The following RFX2 variants were observed in gnomAD, a reference collection of about 807,000 sequenced individuals.
RFX2 encodes DNA-binding protein RFX2.
RFX2 carries 20 observed loss-of-function variants against 87.8 expected under a neutral mutation model. The ratio of observed to expected loss-of-function variants is 0.23; its 90% CI spans 0.16 to 0.33. RFX2 has a LOEUF of 0.33. RFX2 is among the 10% of genes least tolerant of loss of function. The pLI is 1.00. For synonymous variants in RFX2, 397 were observed against 431.3 expected (o/e 0.92, Z 0.98); for missense variants, 767 against 1,012.3 (o/e 0.76, Z 3.29).
At chr19:6,051,888 A>AT (rs1217689592) in intron 1 of RFX2, among the ~76,000 whole-genome samples, 1 of 151,934 alleles carries the variant, frequency 6.6e-6, no homozygotes, top group Non-Finnish European at 1.5e-5. Context: ...TTATTTATTT[A>AT]TTTTTTTGAG....
rs1376906735 is a variant in RFX2, at chr19:6,011,695, T to C, written c.899+1291A>G. On this transcript the variant is annotated intron_variant, in intron 8 of 17. Transcript: ENST00000303657. The surrounding 1 kb of genome is among the most constrained non-coding windows in gnomAD (Gnocchi z 4.8). ...CAGAAGGAATGCTCTGGAAACTCTC[T>C]CCTGGAACCTCCAACTCCTGGGAGT... Among the ~76,000 whole-genome samples the C allele has an allele frequency of 6.6e-6, 1 of 152,214 alleles. No homozygotes were observed. Among genetic ancestry groups the C allele is most frequent in the African/African-American group, 2.4e-5 (1 of 41,458 alleles).
chr19:6,008,964 G>C (rs1270990461), intron 9 of RFX2, among the ~76,000 whole-genome samples: 1 of 152,190 alleles, frequency 6.6e-6, no homozygotes. Flanking sequence ...GCAGGCGTGA[G>C]CCACCGTGCC....
At position 6,101,221 on chromosome 19, in the gene RFX2, T is replaced by C. The variant is rs2088122008; in HGVS notation, c.-9+9172A>G. Among the ~76,000 whole-genome samples, 2 of 152,226 alleles carry C rather than the reference T, an allele frequency of 1.3e-5. No homozygotes were observed. The highest frequency in any genetic ancestry group is 1.3e-4 in the Admixed American group (2 of 15,282). On this transcript the variant is annotated intron_variant, in intron 1 of 17. Transcript: ENST00000303657. This position sits in a 1 kb window ranked among gnomAD's most constrained non-coding sequence, Gnocchi z 4.9. ...CCAGAGAGCTCCTCACTGAAGTCCC[T>C]AGTAGGGTGAATTCTTCAAGAAAAC...
chr19:6,077,131 C>A (rs758362207), intron 1 of RFX2: 1 of 152,226 alleles, frequency 6.6e-6, no homozygotes, highest in Non-Finnish European at 1.5e-5. Context: ...GTGATTGATG[C>A]GGACTGTGTT....
At chr19:6,008,293 A>G (rs1365201715) in intron 9 of RFX2, 69 bp from the exon 10 acceptor site, 1 of 915,712 alleles carries the variant, frequency 1.1e-6, no homozygotes, top group African/African-American at 1.7e-5. Context: ...CTGGAAGGCC[A>G]CGGTGGATGG....
Position 6,001,799 on chromosome 19 carries a change from G to A in RFX2, c.1859+16C>T, listed in dbSNP as rs1258772449. 6 of 1,580,294 alleles carry A rather than the reference G, an allele frequency of 3.8e-6. No homozygotes were observed. Among genetic ancestry groups the A allele is most frequent in the Admixed American group, 3.5e-5 (2 of 56,366 alleles). On this transcript the variant is annotated intron_variant, in intron 15 of 17. Transcript: ENST00000303657. The surrounding 1 kb of genome is among the most constrained non-coding windows in gnomAD (Gnocchi z 5.6). The stretch of plus-strand genomic sequence containing the variant: ...CCCACCCGCCAGAATTCTCTCGGAG[G>A]TCTGGTGGGACTAACCTGTAAAAGG...
chr19:6,087,139 A>G (rs2087866074), intron 1 of RFX2, among the ~76,000 whole-genome samples: 1 of 152,190 alleles, frequency 6.6e-6, no homozygotes, highest in Admixed American at 6.5e-5. Flanking sequence ...GACTGAGCAC[A>G]GGCAGATGGT....
chr19:6,085,099 T>C (rs2087838479), intron 1 of RFX2, among the ~76,000 whole-genome samples: 1 of 152,246 alleles, frequency 6.6e-6, no homozygotes, highest in Non-Finnish European at 1.5e-5. Context: ...CATTCATTTG[T>C]TGGTGGACAC....
At chr19:6,100,662 G>A (rs1392951616) in intron 1 of RFX2, among the ~76,000 whole-genome samples, 2 of 152,176 alleles carry the variant, frequency 1.3e-5, no homozygotes, top group African/African-American at 4.8e-5. Flanking sequence ...GGAAGTCTAG[G>A]TGGGAGGCGC....
chr19:6,013,189 TTC>T lies in RFX2; in HGVS notation c.780-86_780-85del. ...GGTTGGGATTCTTTTTCTTTCTTTCTTCTTTTTTTTTTTTGAGACAGAATCTC... is the reference window on the plus strand; with the variant it reads ...GGTTGGGATTCTTTTTCTTTCTTTCTTTTTTTTTTTTTGAGACAGAATCTC... On this transcript the variant is annotated intron_variant, in intron 7 of 17. Transcript: ENST00000303657. The surrounding 1 kb of genome is among the most constrained non-coding windows in gnomAD (Gnocchi z 4.1). 5.8e-6 allele frequency: 8 copies of T among 1,373,064 alleles called. No homozygotes were observed. Among genetic ancestry groups the T allele is most frequent in the Non-Finnish European group, 5.8e-6 (6 of 1,034,986 alleles). 85.1% of individuals were successfully genotyped at this position (1,373,064 alleles called of 1,614,324 possible). A position where few individuals can be genotyped will look rare whatever the true frequency, so the allele number is the denominator to read the frequency against.
At position 5,997,258 on chromosome 19, in the gene RFX2, G is replaced by A; in HGVS notation, c.1860-45C>T. On this transcript the variant is annotated intron_variant, in intron 15 of 17. Transcript: ENST00000303657. The surrounding 1 kb of genome is among the most constrained non-coding windows in gnomAD (Gnocchi z 4.2). ...GGCTGGGGACCCTCAGGGGAGCATGGAACCCGGGCCCCAGGCCAGACTTCA... is the reference window on the plus strand; with the variant it reads ...GGCTGGGGACCCTCAGGGGAGCATGAAACCCGGGCCCCAGGCCAGACTTCA... 1 of 1,568,098 alleles carries A rather than the reference G, an allele frequency of 6.4e-7. No individual in the cohort carries two copies.
At chr19:6,068,757 G>C (rs372715921) in intron 1 of RFX2, among the ~76,000 whole-genome samples, 1 of 152,188 alleles carries the variant, frequency 6.6e-6, no homozygotes, top group East Asian at 1.9e-4. Flanking sequence ...TCTGGCTTTT[G>C]CTTGGGGTAA....
chr19:6,030,180 A>T (rs1032941095), intron 5 of RFX2, among the ~76,000 whole-genome samples: 1 of 152,252 alleles, frequency 6.6e-6, no homozygotes, highest in Non-Finnish European at 1.5e-5. Flanking sequence ...AAACTCAAAG[A>T]AATCCACACC....
In RFX2 at chr19:6,002,621, G is replaced by A; in HGVS notation, c.1650+100C>T. 4.1e-6 allele frequency: 6 copies of A among 1,457,370 alleles called. No homozygotes were observed. The highest frequency in any genetic ancestry group is 1.8e-5 in the Admixed American group (1 of 56,302). The allele number at this position is 1,457,370 out of a possible 1,614,324, so 90.3% of individuals were successfully genotyped here. ...GCAACAGAACCGTGGCCAGGCTCGG[G>A]GCAGGGGCCAGGTTGTGCCACGGGC... On this transcript the variant is annotated intron_variant, in intron 14 of 17. Coordinates refer to ENST00000303657, the MANE Select transcript of RFX2 (RefSeq NM_000635.4). This position sits in a 1 kb window ranked among gnomAD's most constrained non-coding sequence, Gnocchi z 6.7.
intron 5 of RFX2, among the ~76,000 whole-genome samples, chr19:6,028,194 C>T (rs1208938098): frequency 1.3e-5 from 2 of 150,632 alleles, no homozygotes; most frequent in East Asian, 3.9e-4. Context: ...AATAGGTACA[C>T]TTTCCAAATT....
chr19:6,062,019 G>A (rs901418657), intron 1 of RFX2, among the ~76,000 whole-genome samples: 3 of 152,082 alleles, frequency 2.0e-5, no homozygotes, highest in Non-Finnish European at 2.9e-5. Flanking sequence ...ACTGGGGGCC[G>A]GGGAAGGTGG....
rs549347925 is a variant in RFX2 at position 6,041,068 on chromosome 19, T to A, written c.261-827A>T. On this transcript the variant is annotated intron_variant, in intron 4 of 17. Transcript: ENST00000303657. ...TACCCCAATGTCAATTTCCAGGGGT[T>A]TTTTTGTTTTGTTTTTTTGAGACAG... 2.0e-5 allele frequency among the ~76,000 whole-genome samples: 3 copies of A among 152,196 alleles called. No homozygotes were observed. The South Asian group carries it at 6.2e-4, about 32-fold the overall frequency.
In RFX2 at chr19:6,050,613, T is replaced by C. The variant is rs1294700061; in HGVS notation, c.-8-3109A>G. ...GCTGGTTAAAGATAATGGAAAGAGT[T>C]AGTGAACTTAACAATAGATAAAAAG... On this transcript the variant is annotated intron_variant, in intron 1 of 17. Coordinates refer to ENST00000303657, the MANE Select transcript of RFX2 (RefSeq NM_000635.4). The surrounding 1 kb of genome is among the most constrained non-coding windows in gnomAD (Gnocchi z 4.6). Among the ~76,000 whole-genome samples the C allele has an allele frequency of 6.6e-6, 1 of 152,044 alleles. No homozygotes were observed. Among genetic ancestry groups the C allele is most frequent in the Non-Finnish European group, 1.5e-5 (1 of 68,008 alleles).
At position 6,012,121 on chromosome 19, in the gene RFX2, A is replaced by C. The variant is rs1180557346; in HGVS notation, c.899+865T>G. The stretch of plus-strand genomic sequence containing the variant: ...TATTTGCTCTCTGGCTCTTTACAGG[A>C]AAGGTTTGCTGGCTCCTGCCTTAGA... On this transcript the variant is annotated intron_variant, in intron 8 of 17. Coordinates refer to ENST00000303657, the MANE Select transcript of RFX2 (RefSeq NM_000635.4). The surrounding 1 kb of genome is among the most constrained non-coding windows in gnomAD (Gnocchi z 4.6). 2 of 152,228 alleles carry C rather than the reference A, an allele frequency of 1.3e-5. No homozygotes were observed. Among genetic ancestry groups the C allele is most frequent in the Non-Finnish European group, 2.9e-5 (2 of 68,044 alleles). The allele number at this position is 152,228 out of a possible 1,614,324, so 9.4% of individuals were successfully genotyped here.
Sources: gnomAD v4.1 joint callset for allele counts (sites outside exome capture counted in the v4.1 genomes callset) on GRCh38, gnomAD v4.1.1 for gene constraint, Gnocchi (gnomAD v3.1) non-coding constraint, MANE v1.5 for transcripts, NCBI Gene and HGNC (gene_info 2026-07-23, HGNC 2026-07-21) for gene names.